CPSF6: variants seen among roughly 807,000 people sequenced by gnomAD.
CPSF6 encodes cleavage and polyadenylation specific factor 6, also known as cleavage and polyadenylation specificity factor subunit 6.
Under a neutral mutation model 56.7 loss-of-function variants are expected in CPSF6, and 10 were observed. The observed-to-expected ratio is 0.18, with a 90% CI of 0.11 to 0.30. The LOEUF is 0.30. Ranked by LOEUF, CPSF6 falls within the 10% of genes least tolerant of loss-of-function variation. The pLI is 1.00. For synonymous variants in CPSF6, 248 were observed against 244.8 expected, an observed-to-expected ratio of 1.01 and a Z score of -0.12; for missense variants, 419 against 722.9, an observed-to-expected ratio of 0.58 and a Z score of 4.82.
chr12:69,240,423 C>T (rs2120387764), intron 1 of CPSF6, among the ~76,000 whole-genome samples: 1 of 152,280 alleles, frequency 6.6e-6, no homozygotes, highest in African/African-American at 2.4e-5. Flanking sequence ...GCTGGTCCTG[C>T]CTCATTAATC....
rs534735741 is a variant in CPSF6 at position 69,257,981 on chromosome 12, T to A, written c.694+76T>A. ...CTTTTCCTTTTCTCTCTTTTTCAAG[T>A]AATGCATTATTAATGTGACTTACTC... On this transcript the variant is annotated intron_variant, in intron 5 of 9. Transcript: ENST00000435070. 1.1e-4 allele frequency: 167 copies of A among 1,555,412 alleles called. No homozygotes were observed. The African/African-American group carries it at 2.0e-3, about 19-fold the overall frequency.
chr12:69,258,569 T>G lies in CPSF6; in HGVS notation c.695-21T>G, dbSNP rs1872607636. ...TATTAGTGAAGTGTTTTTTTTTCTC[T>G]CTTTCTCCTTTGTTTTTTAGCTGGA... On this transcript the variant is annotated intron_variant, in intron 5 of 9. Transcript: ENST00000435070. The surrounding 1 kb of genome is among the most constrained non-coding windows in gnomAD (Gnocchi z 4.2). 2 of 1,553,886 alleles carry G rather than the reference T, an allele frequency of 1.3e-6. No homozygotes were observed.
chr12:69,274,063 A>G lies in CPSF6; in HGVS notation c.*4555A>G, dbSNP rs1565654999. 2 of 150,606 alleles carry G rather than the reference A, an allele frequency of 1.3e-5. No individual in the cohort carries two copies. The highest frequency in any genetic ancestry group is 3.0e-5 in the Non-Finnish European group (2 of 67,638). The allele number at this position is 150,606 out of a possible 1,614,324, so 9.3% of individuals were successfully genotyped here. A position where few individuals can be genotyped will look rare whatever the true frequency, so the allele number is the denominator to read the frequency against. On this transcript the variant is annotated 3_prime_UTR_variant, in exon 10 of 10. Coordinates refer to ENST00000435070, the MANE Select transcript of CPSF6 (RefSeq NM_007007.3). ...CTATTGACTCTATGGTGACTTCACA[A>G]TAAGATTTCTGTGCAAAAAGGTAAG... is the stretch of plus-strand genomic sequence containing the variant.
chr12:69,241,460 C>A (rs185596418), intron 1 of CPSF6, among the ~76,000 whole-genome samples: 3 of 152,176 alleles, frequency 2.0e-5, no homozygotes, highest in African/African-American at 7.2e-5. Flanking sequence ...GCTTTACTTA[C>A]AAGATAATAC....
chr12:69,250,612 A>AAAAAAAAAAAAAAAAAAG (rs1565644817), intron 1 of CPSF6, among the ~76,000 whole-genome samples: 1 of 50,304 alleles, frequency 2.0e-5, no homozygotes. Context: ...AAAAAAGAAA[A>AAAAAAAAAAAAAAAAAAG]AAAAGAAAAG....
At position 69,272,218 on chromosome 12, in the gene CPSF6, TTAG is replaced by T; in HGVS notation, c.*2711_*2713del. 1 of 151,468 alleles carries T rather than the reference TTAG, an allele frequency of 6.6e-6. No individual in the cohort carries two copies. Among genetic ancestry groups the T allele is most frequent in the Non-Finnish European group, 1.5e-5 (1 of 67,560 alleles). The allele number at this position is 151,468 out of a possible 1,614,324, so 9.4% of individuals were successfully genotyped here. A position where few individuals can be genotyped will look rare whatever the true frequency, so the allele number is the denominator to read the frequency against. ...AGTTGCAGTGGCTTTTGATCATAGTTTAGCCCATTTAATGGTCCTTTTACCTAG... is the reference window on the plus strand; with the variant it reads ...AGTTGCAGTGGCTTTTGATCATAGTTCCCATTTAATGGTCCTTTTACCTAG... On this transcript the variant is annotated 3_prime_UTR_variant, in exon 10 of 10. Coordinates refer to ENST00000435070, the MANE Select transcript of CPSF6 (RefSeq NM_007007.3).
intron 2 of CPSF6, among the ~76,000 whole-genome samples, chr12:69,251,635 T>A (rs1872248702): frequency 6.6e-6 from 1 of 152,206 alleles, no homozygotes; most frequent in African/African-American, 2.4e-5. Flanking sequence ...TTGCTTCCGA[T>A]AGCCCAGTTT....
chr12:69,269,637 A>G lies in CPSF6; in HGVS notation c.*129A>G. On this transcript the variant is annotated 3_prime_UTR_variant, in exon 10 of 10. Coordinates refer to ENST00000435070, the MANE Select transcript of CPSF6 (RefSeq NM_007007.3). ...GGATTCATGGATAAAATGAACAGGA[A>G]TAGATCTGAATAAAGCAAATCTGCA... 1 of 363,952 alleles carries G rather than the reference A, an allele frequency of 2.7e-6. No homozygotes were observed. The highest frequency in any genetic ancestry group is 5.5e-6 in the Non-Finnish European group (1 of 183,016). 22.5% of individuals were successfully genotyped at this position (363,952 alleles called of 1,614,324 possible). A position where few individuals can be genotyped will look rare whatever the true frequency, so the allele number is the denominator to read the frequency against.
At chr12:69,254,729 T>G (rs2120533793) in intron 3 of CPSF6, among the ~76,000 whole-genome samples, 1 of 152,316 alleles carries the variant, frequency 6.6e-6, no homozygotes, top group Non-Finnish European at 1.5e-5. Context: ...CAGAACTTGT[T>G]GACTAAAATA....
rs1039301429 is a variant in CPSF6 at position 69,273,813 on chromosome 12, T to A, written c.*4305T>A. 2.6e-5 allele frequency: 4 copies of A among 151,540 alleles called. No homozygotes were observed. Among genetic ancestry groups the A allele is most frequent in the African/African-American group, 9.7e-5 (4 of 41,314 alleles). The allele number at this position is 151,540 out of a possible 1,614,324, so 9.4% of individuals were successfully genotyped here. On this transcript the variant is annotated 3_prime_UTR_variant, in exon 10 of 10. Coordinates refer to ENST00000435070, the MANE Select transcript of CPSF6 (RefSeq NM_007007.3). Reference sequence around the variant, plus strand: ...TCTATAACATTGATAACTTTAGCCTTAAAAAAAAGGTCTATTATTCCTTCC... The same window carrying A: ...TCTATAACATTGATAACTTTAGCCTAAAAAAAAAGGTCTATTATTCCTTCC...
Position 69,259,555 on chromosome 12 carries a change from T to A in CPSF6, c.1315+12T>A. 1 of 1,594,784 alleles carries A rather than the reference T, an allele frequency of 6.3e-7. No individual in the cohort carries two copies. Among genetic ancestry groups the A allele is most frequent in the South Asian group, 1.1e-5 (1 of 87,922 alleles). ...TGATGCCAGTGCTGGTTTGTGTATT[T>A]CTTGTATTAATATTTCTTATTTATG... On this transcript the variant is annotated intron_variant, in intron 7 of 9. Coordinates refer to ENST00000435070, the MANE Select transcript of CPSF6 (RefSeq NM_007007.3).
chr12:69,266,392 T>C (rs1157729740), intron 9 of CPSF6, among the ~76,000 whole-genome samples: 2 of 152,208 alleles, frequency 1.3e-5, no homozygotes, highest in Non-Finnish European at 2.9e-5. Context: ...AGTGATCCCT[T>C]GAATGGATGT....
intron 8 of CPSF6, among the ~76,000 whole-genome samples, chr12:69,261,408 T>A (rs11504237): frequency 5.3e-5 from 8 of 151,476 alleles, no homozygotes; most frequent in African/African-American, 2.0e-4. Context: ...TACAAAAAAA[T>A]TTTAAAAATA....
intron 2 of CPSF6, 33 bp downstream of exon 2, chr12:69,251,371 G>A: frequency 1.5e-6 from 2 of 1,342,126 alleles, no homozygotes; most frequent in South Asian, 1.2e-5. Flanking sequence ...TTAAATTATT[G>A]GTAATTGATT....
chr12:69,245,652 G>A lies in CPSF6; in HGVS notation c.61-5477G>A, dbSNP rs866754911. On this transcript the variant is annotated intron_variant, in intron 1 of 9. Coordinates refer to ENST00000435070, the MANE Select transcript of CPSF6 (RefSeq NM_007007.3). ...TCAAAAAAATTCTGTGAACTTTAGG[G>A]AAACTTACACTGCTTGCATTGAAGT... 2.0e-5 allele frequency among the ~76,000 whole-genome samples: 3 copies of A among 152,234 alleles called. No individual in the cohort carries two copies. In the South Asian group the frequency reaches 6.2e-4, roughly 32 times the overall value.
chr12:69,245,390 T>C (rs1871844882), intron 1 of CPSF6, among the ~76,000 whole-genome samples: 1 of 152,180 alleles, frequency 6.6e-6, no homozygotes, highest in Non-Finnish European at 1.5e-5. Flanking sequence ...TTATTAGTTA[T>C]TTTTTACAGT....
At chr12:69,249,894 A>G (rs989925208) in intron 1 of CPSF6, among the ~76,000 whole-genome samples, 1 of 152,098 alleles carries the variant, frequency 6.6e-6, no homozygotes, top group Admixed American at 6.6e-5. Context: ...ACCCAGTAGC[A>G]TTGCTTTAAT....
chr12:69,261,429 G>A (rs569385963), intron 8 of CPSF6, among the ~76,000 whole-genome samples: 3 of 152,224 alleles, frequency 2.0e-5, no homozygotes, highest in African/African-American at 7.2e-5. Flanking sequence ...TCTGGGCCTG[G>A]TGGTGCATGC....
Position 69,258,443 on chromosome 12 carries a change from T to C in CPSF6, c.695-147T>C, listed in dbSNP as rs1347602029. 2.6e-6 allele frequency: 2 copies of C among 780,002 alleles called. No individual in the cohort carries two copies. The highest frequency in any genetic ancestry group is 5.5e-5 in the East Asian group (2 of 36,482). 48.3% of individuals were successfully genotyped at this position (780,002 alleles called of 1,614,324 possible). A position where few individuals can be genotyped will look rare whatever the true frequency, so the allele number is the denominator to read the frequency against. On this transcript the variant is annotated intron_variant, in intron 5 of 9. Transcript: ENST00000435070. The surrounding 1 kb of genome is among the most constrained non-coding windows in gnomAD (Gnocchi z 4.2). ...TAAGGATATACTTCATTGTAGTTGG[T>C]AGTGTAACATTTACCATACGGGTTT...
Sources: gnomAD v4.1 joint callset for allele counts (sites outside exome capture counted in the v4.1 genomes callset) on GRCh38, gnomAD v4.1.1 for gene constraint, Gnocchi (gnomAD v3.1) non-coding constraint, MANE v1.5 for transcripts, NCBI Gene and HGNC (gene_info 2026-07-23, HGNC 2026-07-21) for gene names.